Variants in TRAM2 observed in about 807,000 individuals in gnomAD.
The protein encoded by TRAM2 is translocation associated membrane protein 2.
TRAM2 carries 12 observed loss-of-function variants against 51.0 expected under a neutral mutation model. The ratio of observed to expected loss-of-function variants is 0.24; its 90% CI spans 0.15 to 0.38. The LOEUF is 0.38. TRAM2 is among the 10% of genes least tolerant of loss of function. The pLI is 1.00. For synonymous variants in TRAM2, 175 were observed against 179.4 expected (o/e 0.98, Z 0.20); for missense variants, 361 against 462.0 (o/e 0.78, Z 2.00).
intron 4 of TRAM2, among the ~76,000 whole-genome samples, chr6:52,510,071 A>G (rs1006320218): frequency 2.0e-5 from 3 of 152,146 alleles, no homozygotes; most frequent in Non-Finnish European, 2.9e-5. Context: ...TCGCTGGAAA[A>G]ATGAAAAGCC....
At chr6:52,529,486 T>C (rs908048057) in intron 2 of TRAM2, 2 of 152,080 alleles carry the variant, frequency 1.3e-5, no homozygotes, top group African/African-American at 4.8e-5. Context: ...CTTGTTAAAA[T>C]GTAGGTTTTG....
intron 2 of TRAM2, chr6:52,529,602 AG>A (rs1766849313): frequency 6.6e-6 from 1 of 152,202 alleles, no homozygotes; most frequent in African/African-American, 2.4e-5. Flanking sequence ...AGCCCTTCAG[AG>A]GACTCCCAGG....
intron 2 of TRAM2, among the ~76,000 whole-genome samples, chr6:52,520,451 G>C (rs1313622323): frequency 1.3e-5 from 2 of 152,236 alleles, no homozygotes; most frequent in Admixed American, 6.5e-5. Context: ...AGAGCAATCG[G>C]AGAAGAGATG....
In TRAM2 at chr6:52,503,257, A is replaced by G. The variant is rs1463245783; in HGVS notation, c.1053T>C (p.Asn351=). 1.2e-6 allele frequency: 2 copies of G among 1,613,830 alleles called. No individual in the cohort carries two copies. The highest frequency in any genetic ancestry group is 1.7e-6 in the Non-Finnish European group (2 of 1,179,914). ...TTCCGTTCTCTGCCTTCACCACTCC[A>G]TTTTCATGGTAACCTGGGAAGTGGA... is the stretch of plus-strand genomic sequence containing the variant. ...LIKRESGYHE[N]GVVKAENGTS... Residue 351 remains asparagine, a synonymous_variant, in exon 11 of 11, where the codon AAT becomes AAC. Coordinates refer to ENST00000182527, the MANE Select transcript of TRAM2 (RefSeq NM_012288.4).
chr6:52,571,753 T>C (rs1488569114), intron 1 of TRAM2, among the ~76,000 whole-genome samples: 2 of 152,128 alleles, frequency 1.3e-5, no homozygotes, highest in African/African-American at 4.8e-5. Context: ...AAAGTCTCCA[T>C]CTCAAAACAT....
intron 1 of TRAM2, among the ~76,000 whole-genome samples, chr6:52,576,033 T>C (rs2114114480): frequency 6.6e-6 from 1 of 152,246 alleles, no homozygotes; most frequent in African/African-American, 2.4e-5. Context: ...ATCCCCATCC[T>C]CTGCCCCCCA....
chr6:52,510,276 T>C (rs1766428708), intron 4 of TRAM2, among the ~76,000 whole-genome samples: 2 of 152,172 alleles, frequency 1.3e-5, no homozygotes, highest in Admixed American at 6.5e-5. Flanking sequence ...GCACCTTATA[T>C]GGGGTGGGGA....
chr6:52,556,054 T>C (rs1767399375), intron 1 of TRAM2, among the ~76,000 whole-genome samples: 1 of 152,140 alleles, frequency 6.6e-6, no homozygotes. Flanking sequence ...TTTAACCTCA[T>C]AGTTTTCTTC....
intron 2 of TRAM2, among the ~76,000 whole-genome samples, chr6:52,519,918 C>T (rs977064463): frequency 1.3e-5 from 2 of 151,854 alleles, no homozygotes; most frequent in Non-Finnish European, 2.9e-5. Flanking sequence ...CTGTATGATT[C>T]GATTTATATA....
intron 2 of TRAM2, 160 bp from the exon 3 acceptor site, chr6:52,516,897 C>T: frequency 1.6e-6 from 1 of 625,074 alleles, no homozygotes; most frequent in East Asian, 2.8e-5. Context: ...ATCCTGCCCA[C>T]CCTCTGGTCT....
At chr6:52,528,198 G>A (rs754262263) in intron 2 of TRAM2, among the ~76,000 whole-genome samples, 1 of 152,032 alleles carries the variant, frequency 6.6e-6, no homozygotes, top group Non-Finnish European at 1.5e-5. Flanking sequence ...GCTCTCGCTG[G>A]TGCATCCTTG....
chr6:52,515,794 C>A, intron 4 of TRAM2: 1 of 531,190 alleles, frequency 1.9e-6, no homozygotes, highest in Non-Finnish European at 3.4e-6. Context: ...TGACTCTCTC[C>A]AGCTATAAAA....
chr6:52,522,108 T>C (rs554628630), intron 2 of TRAM2, among the ~76,000 whole-genome samples: 4 of 152,384 alleles, frequency 2.6e-5, no homozygotes, highest in African/African-American at 9.6e-5. Context: ...TTTAAACATA[T>C]CACCCTCTGG....
chr6:52,514,115 G>T (rs1766499160), intron 4 of TRAM2, among the ~76,000 whole-genome samples: 1 of 152,122 alleles, frequency 6.6e-6, no homozygotes. Context: ...CACTAGACTA[G>T]GGTTGGTGGT....
intron 1 of TRAM2, among the ~76,000 whole-genome samples, chr6:52,575,302 G>A (rs1178757666): frequency 6.6e-6 from 1 of 152,180 alleles, no homozygotes; most frequent in African/African-American, 2.4e-5. Context: ...AACAGGGACT[G>A]AGACACACGG....
intron 1 of TRAM2, among the ~76,000 whole-genome samples, chr6:52,541,148 G>A (rs1182911763): frequency 1.3e-5 from 2 of 152,218 alleles, no homozygotes; most frequent in African/African-American, 4.8e-5. Context: ...GTGGATTCCA[G>A]TCCCAAGTCT....
intron 10 of TRAM2, among the ~76,000 whole-genome samples, chr6:52,503,791 T>C (rs1015749661): frequency 3.3e-5 from 5 of 152,018 alleles, no homozygotes; most frequent in Admixed American, 2.6e-4. Flanking sequence ...GGCAGAAAAA[T>C]TGTGCTCTAT....
In TRAM2 at chr6:52,501,369, G is replaced by C. The variant is rs1425313403; in HGVS notation, c.*1828C>G. The C allele has an allele frequency of 1.3e-5, 2 of 152,236 alleles. No individual in the cohort carries two copies. The highest frequency in any genetic ancestry group is 3.9e-4 in the East Asian group (2 of 5,176). 9.4% of individuals were successfully genotyped at this position (152,236 alleles called of 1,614,324 possible). A position where few individuals can be genotyped will look rare whatever the true frequency, so the allele number is the denominator to read the frequency against. Reference sequence around the variant, plus strand: ...AATTTATCTATGATGTAAGTGACTTGGAGAAGGGGAGTTGCCTTGATGAAA... The same window carrying C: ...AATTTATCTATGATGTAAGTGACTTCGAGAAGGGGAGTTGCCTTGATGAAA... On this transcript the variant is annotated 3_prime_UTR_variant, in exon 11 of 11. Coordinates refer to ENST00000182527, the MANE Select transcript of TRAM2 (RefSeq NM_012288.4).
chr6:52,541,970 CA>C (rs1337549783), intron 1 of TRAM2, among the ~76,000 whole-genome samples: 2 of 152,060 alleles, frequency 1.3e-5, no homozygotes, highest in African/African-American at 4.8e-5. Context: ...ACCTAAAGGA[CA>C]AAACACAGAG....
Sources: allele counts gnomAD v4.1 joint callset (sites outside exome capture counted in the v4.1 genomes callset), GRCh38; gene constraint gnomAD v4.1.1; transcripts MANE v1.5; gene names NCBI Gene and HGNC (gene_info 2026-07-23, HGNC 2026-07-21).